Variants in ANO6 observed in about 807,000 individuals in gnomAD.
ANO6 encodes the protein anoctamin 6.
In ANO6, 106 loss-of-function variants were observed where a neutral mutation model predicts 117.5. The ratio of observed to expected loss-of-function variants is 0.90; its 90% confidence interval spans 0.77 to 1.06. ANO6 has a LOEUF of 1.06. ANO6 is among the 50% of genes least tolerant of loss of function. The pLI is 0.00. For synonymous variants in ANO6, 367 were observed against 385.1 expected, an observed-to-expected ratio of 0.95 and a Z score of 0.55; for missense variants, 955 against 1,121.1, an observed-to-expected ratio of 0.85 and a Z score of 2.12.
At chr12:45,293,938 TAATG>T (rs1438339954) in intron 1 of ANO6, among the ~76,000 whole-genome samples, 4 of 151,978 alleles carry the variant, frequency 2.6e-5, no homozygotes, top group Non-Finnish European at 5.9e-5. Context: ...CCACCTATAA[TAATG>T]TGGCAGGTTT....
intron 3 of ANO6, among the ~76,000 whole-genome samples, chr12:45,333,884 T>C (rs908890406): frequency 1.3e-5 from 2 of 152,022 alleles, no homozygotes; most frequent in African/African-American, 2.4e-5. Context: ...AAAAAACTTA[T>C]GTGTAAACCA....
At chr12:45,434,171 C>A (rs1427722704), downstream of ANO6, among the ~76,000 whole-genome samples, 1 of 152,186 alleles carries the variant, frequency 6.6e-6, no homozygotes, top group Non-Finnish European at 1.5e-5. Flanking sequence ...CCACTTCGCA[C>A]AGGAACTCAA....
At chr12:45,247,069 A>G (rs1947837205) in intron 1 of ANO6, among the ~76,000 whole-genome samples, 1 of 151,900 alleles carries the variant, frequency 6.6e-6, no homozygotes, top group Admixed American at 6.6e-5. Flanking sequence ...GGGACTACAG[A>G]CGTTCGCCAC....
chr12:45,418,496 A>T (rs1439818114), intron 17 of ANO6, among the ~76,000 whole-genome samples: 1 of 152,230 alleles, frequency 6.6e-6, no homozygotes, highest in Non-Finnish European at 1.5e-5. Flanking sequence ...GCTCTAGTAC[A>T]CTAAGCTGGA....
At chr12:45,242,945 T>G (rs1375754005) in intron 1 of ANO6, among the ~76,000 whole-genome samples, 2 of 152,196 alleles carry the variant, frequency 1.3e-5, no homozygotes, top group African/African-American at 2.4e-5. Context: ...TAGAAAAATC[T>G]ATCTAATTTC....
intron 1 of ANO6, among the ~76,000 whole-genome samples, chr12:45,263,752 A>G (rs1394936093): frequency 2.0e-5 from 3 of 152,156 alleles, no homozygotes; most frequent in Non-Finnish European, 4.4e-5. Flanking sequence ...GGCTGAGGTT[A>G]TGTGGCAGGT....
At chr12:45,334,730 G>A (rs1177493434) in intron 3 of ANO6, among the ~76,000 whole-genome samples, 1 of 152,002 alleles carries the variant, frequency 6.6e-6, no homozygotes, top group Admixed American at 6.6e-5. Context: ...CTGTTCCGTA[G>A]GCAGCCAGCA....
At chr12:45,280,879 T>TATATATAG (rs149737040) in intron 1 of ANO6, among the ~76,000 whole-genome samples, 3 of 149,854 alleles carry the variant, frequency 2.0e-5, no homozygotes, top group African/African-American at 4.9e-5. Context: ...TATATATATA[T>TATATATAG]AGAGAGAGAG....
chr12:45,268,301 A>C (rs1938284818), intron 1 of ANO6, among the ~76,000 whole-genome samples: 1 of 152,152 alleles, frequency 6.6e-6, no homozygotes, highest in African/African-American at 2.4e-5. Flanking sequence ...CAGGCAGATC[A>C]CTTGAGGTTA....
At chr12:45,434,667 G>A (rs1283040231), downstream of ANO6, among the ~76,000 whole-genome samples, 1 of 152,166 alleles carries the variant, frequency 6.6e-6, no homozygotes, top group Non-Finnish European at 1.5e-5. Context: ...ACAATTAACA[G>A]AAGGCTCCCT....
intron 1 of ANO6, among the ~76,000 whole-genome samples, chr12:45,233,592 C>CT (rs775159285): frequency 6.6e-6 from 1 of 152,138 alleles, no homozygotes; most frequent in East Asian, 1.9e-4. Context: ...GTGCTCTTGT[C>CT]TGAACCCTCT....
intron 1 of ANO6, among the ~76,000 whole-genome samples, chr12:45,261,111 T>C (rs1274152788): frequency 6.6e-6 from 1 of 152,142 alleles, no homozygotes; most frequent in African/African-American, 2.4e-5. Flanking sequence ...TGAGCCACCA[T>C]GCCAGGTGTG....
chr12:45,226,814 A>G (rs1264862872), intron 1 of ANO6, among the ~76,000 whole-genome samples: 9 of 151,828 alleles, frequency 5.9e-5, no homozygotes, highest in Non-Finnish European at 1.0e-4. Context: ...TTTTCTCTGC[A>G]TATGAAACTC....
intron 3 of ANO6, among the ~76,000 whole-genome samples, chr12:45,341,862 A>G (rs1272907231): frequency 2.0e-5 from 3 of 152,104 alleles, no homozygotes; most frequent in African/African-American, 7.2e-5. Context: ...TTTTTTTTTA[A>G]GGAATAAGGG....
Position 45,378,716 on chromosome 12 carries a change from G to A in ANO6, c.1165+603G>A, listed in dbSNP as rs549087077. 2.0e-5 allele frequency among the ~76,000 whole-genome samples: 3 copies of A among 152,268 alleles called. No homozygotes were observed. In the East Asian group the frequency reaches 5.8e-4, roughly 29 times the overall value. Reference sequence around the variant, plus strand: ...TTGGATGTAGGAGGCATGATTTGTTGGAAGCCATTATTGCAACAGCCCTCA... The same window carrying A: ...TTGGATGTAGGAGGCATGATTTGTTAGAAGCCATTATTGCAACAGCCCTCA... On this transcript the variant is annotated intron_variant, in intron 10 of 19. Coordinates refer to ENST00000320560, the MANE Select transcript of ANO6 (RefSeq NM_001025356.3).
rs371446949 is a variant in ANO6 at position 45,331,288 on chromosome 12, T to C, written c.151-7T>C. On this transcript the variant is annotated splice_polypyrimidine_tract_variant and splice_region_variant and intron_variant, in intron 2 of 19. Transcript: ENST00000320560. ...TATATTACAATTTGTTTTTCTGTTT[T>C]ACACAGGAAGAATTTAATGGAAAAC... 6.2e-7 allele frequency: 1 copy of C among 1,604,248 alleles called. No homozygotes were observed. The highest frequency in any genetic ancestry group is 8.5e-7 in the Non-Finnish European group (1 of 1,175,174).
downstream of ANO6, among the ~76,000 whole-genome samples, chr12:45,432,724 G>A (rs1419399120): frequency 6.6e-6 from 1 of 152,018 alleles, no homozygotes; most frequent in Non-Finnish European, 1.5e-5. Context: ...TAAAATACTC[G>A]TTATATGACC....
chr12:45,239,625 T>C (rs1359105932), intron 1 of ANO6, among the ~76,000 whole-genome samples: 1 of 152,200 alleles, frequency 6.6e-6, no homozygotes, highest in African/African-American at 2.4e-5. Context: ...TCTAGTTCTT[T>C]TAATTGTGAT....
intron 1 of ANO6, 63 bp downstream of exon 1, chr12:45,216,454 G>A: frequency 6.4e-7 from 1 of 1,562,964 alleles, no homozygotes; most frequent in Non-Finnish European, 8.7e-7. Flanking sequence ...GAAGTTCGGG[G>A]ACTGCGCGGG....
Sources: gnomAD v4.1 joint callset for allele counts (sites outside exome capture counted in the v4.1 genomes callset) on GRCh38, gnomAD v4.1.1 for gene constraint, MANE v1.5 for transcripts, NCBI Gene and HGNC (gene_info 2026-07-23, HGNC 2026-07-21) for gene names.